The following PAPOLG variants were observed in gnomAD, a reference collection of about 807,000 sequenced individuals.
PAPOLG encodes the protein PAP-gamma.
Under a neutral mutation model 99.0 loss-of-function variants are expected in PAPOLG, and 40 were observed. That is an observed-to-expected ratio of 0.40 (90% confidence interval 0.31 to 0.53). The LOEUF is 0.53. PAPOLG is among the 20% of genes least tolerant of loss of function. PAPOLG has a pLI of 0.41. For missense variants in PAPOLG, 675 were observed against 884.1 expected (o/e 0.76, Z 3.00); for synonymous variants, 310 against 299.3 (o/e 1.04, Z -0.37).
At position 60,783,186 on chromosome 2, in the gene PAPOLG, A is replaced by C; in HGVS notation, c.1143A>C (p.Ser381=). The C allele has an allele frequency of 1.3e-6, 2 of 1,589,966 alleles. No individual in the cohort carries two copies. Among genetic ancestry groups the C allele is most frequent in the South Asian group, 2.3e-5 (2 of 85,592 alleles). ...RHYIVLTASA[S]TEENHLEWVG... ...ATATAGTATTGACTGCCAGCGCATC[A>C]ACAGAAGAAAACCATCTAGAGTGGT... Residue 381 remains serine, a synonymous_variant, in exon 13 of 22, where the codon TCA becomes TCC. Coordinates refer to ENST00000238714, the MANE Select transcript of PAPOLG (RefSeq NM_022894.4).
At chr2:60,792,089 A>G in intron 16 of PAPOLG, 40 bp from the exon 17 acceptor site, 1 of 1,552,378 alleles carries the variant, frequency 6.4e-7, no homozygotes, top group East Asian at 2.3e-5. Flanking sequence ...TTATATTGTC[A>G]TTTGCATTTT....
chr2:60,766,955 A>G (rs1670694975), intron 3 of PAPOLG, among the ~76,000 whole-genome samples: 4 of 152,324 alleles, frequency 2.6e-5, no homozygotes, highest in South Asian at 2.1e-4. Context: ...TACAACAACT[A>G]TATTTAATAG....
rs1452110224 is a variant in PAPOLG, at chr2:60,801,960, T to C, written c.*4800T>C. ...AATGGAGCTGCTGTTCCTTTCTAGC[T>C]AGCTGTTTGTGTAGTTCATATTAAT... On this transcript the variant is annotated 3_prime_UTR_variant, in exon 22 of 22. Coordinates refer to ENST00000238714, the MANE Select transcript of PAPOLG (RefSeq NM_022894.4). 2 of 152,376 alleles carry C rather than the reference T, an allele frequency of 1.3e-5. No homozygotes were observed. Among genetic ancestry groups the C allele is most frequent in the Non-Finnish European group, 1.5e-5 (1 of 68,044 alleles). 9.4% of individuals were successfully genotyped at this position (152,376 alleles called of 1,614,324 possible).
At chr2:60,773,993 A>G (rs1670934138) in intron 7 of PAPOLG, among the ~76,000 whole-genome samples, 1 of 152,212 alleles carries the variant, frequency 6.6e-6, no homozygotes, top group Admixed American at 6.5e-5. Context: ...CAACTTACAC[A>G]GTTTCACATG....
At chr2:60,768,304 G>T (rs1029917752) in intron 3 of PAPOLG, 166 bp from the exon 4 acceptor site, 10 of 198,672 alleles carry the variant, frequency 5.0e-5, no homozygotes, top group Non-Finnish European at 6.3e-5. Flanking sequence ...GTTTTGCCAT[G>T]TTGGCCAGGC....
At chr2:60,782,915 G>A (rs533575807) in intron 12 of PAPOLG, 145 bp downstream of exon 12, 3 of 1,144,880 alleles carry the variant, frequency 2.6e-6, no homozygotes, top group East Asian at 2.8e-5. Context: ...AGAGATAAGA[G>A]TGTTTCTTTA....
chr2:60,768,556 C>T lies in PAPOLG; in HGVS notation c.328+5C>T. ...GGCTTGGAGTACACACCAAAGGTAA[C>T]TGCTTTTCTGTGTTCTAGTGCTAAG... On this transcript the variant is annotated splice_donor_5th_base_variant and intron_variant, in intron 4 of 21. Coordinates refer to ENST00000238714, the MANE Select transcript of PAPOLG (RefSeq NM_022894.4). The T allele has an allele frequency of 6.3e-7, 1 of 1,582,312 alleles. No homozygotes were observed. The highest frequency in any genetic ancestry group is 8.7e-7 in the Non-Finnish European group (1 of 1,152,704).
At position 60,780,722 on chromosome 2, in the gene PAPOLG, T is replaced by C. The variant is rs2103798598; in HGVS notation, c.849T>C (p.Pro283=). The part of the protein sequence containing the change: ...LVFSKWEWPN[P]VLLKQPEESN... ...TTCATGTCAGGGAATGGCCAAATCCTGTGCTGCTGAAGCAACCAGAAGAAA... is the reference window on the plus strand; with the variant it reads ...TTCATGTCAGGGAATGGCCAAATCCCGTGCTGCTGAAGCAACCAGAAGAAA... The change falls in exon 10 of 22, where the codon CCT becomes CCC. Residue 283 remains proline (P), a synonymous_variant. Coordinates refer to ENST00000238714, the MANE Select transcript of PAPOLG (RefSeq NM_022894.4). 1 of 1,614,146 alleles carries C rather than the reference T, an allele frequency of 6.2e-7. No individual in the cohort carries two copies. The highest frequency in any genetic ancestry group is 1.3e-5 in the African/African-American group (1 of 75,062).
chr2:60,777,348 C>T (rs541412970), intron 8 of PAPOLG, among the ~76,000 whole-genome samples: 5 of 152,098 alleles, frequency 3.3e-5, no homozygotes, highest in African/African-American at 7.2e-5. Flanking sequence ...CCCAGCTACT[C>T]GGGAAGCTGA....
intron 3 of PAPOLG, among the ~76,000 whole-genome samples, chr2:60,764,054 C>T (rs555380582): frequency 8.6e-5 from 13 of 152,042 alleles, no homozygotes; most frequent in Non-Finnish European, 1.5e-4. Context: ...CCATTCTCTT[C>T]GGCCTCCCAG....
intron 21 of PAPOLG, chr2:60,795,367 G>T (rs1474065426): frequency 2.2e-6 from 1 of 453,110 alleles, no homozygotes; most frequent in East Asian, 6.4e-5. Flanking sequence ...ATTGCTTACT[G>T]CCAAAACATA....
intron 2 of PAPOLG, 68 bp downstream of exon 2, chr2:60,760,363 G>T: frequency 7.1e-7 from 1 of 1,408,376 alleles, no homozygotes. Context: ...CGAACATATT[G>T]AATACCTACT....
chr2:60,782,660 T>C, intron 11 of PAPOLG, 26 bp from the exon 12 acceptor site: 1 of 1,345,292 alleles, frequency 7.4e-7, no homozygotes, highest in Non-Finnish European at 9.6e-7. Flanking sequence ...CTTCTTTTTT[T>C]TTTTTTTTTT....
rs1307676158 is a variant in PAPOLG at position 60,774,091 on chromosome 2, T to A, written c.605-943T>A. Reference sequence around the variant, plus strand: ...GTGCAGTTTGTTGCCCCATGTGTTTTTTGTTTTTTGTTTTTTTTTTGAGAC... The same window carrying A: ...GTGCAGTTTGTTGCCCCATGTGTTTATTGTTTTTTGTTTTTTTTTTGAGAC... On this transcript the variant is annotated intron_variant, in intron 7 of 21. Coordinates refer to ENST00000238714, the MANE Select transcript of PAPOLG (RefSeq NM_022894.4). Among the ~76,000 whole-genome samples, 5 of 147,286 alleles carry A rather than the reference T, an allele frequency of 3.4e-5. No homozygotes were observed. The South Asian group carries it at 1.1e-3, about 31-fold the overall frequency.
chr2:60,758,442 T>G (rs1445588829), intron 1 of PAPOLG, among the ~76,000 whole-genome samples: 2 of 149,172 alleles, frequency 1.3e-5, no homozygotes. Flanking sequence ...TTTTTTTTTT[T>G]TTGAGACGGA....
chr2:60,791,652 C>T, intron 15 of PAPOLG, 109 bp from the exon 16 acceptor site: 3 of 1,335,782 alleles, frequency 2.2e-6, no homozygotes, highest in Non-Finnish European at 3.0e-6. Flanking sequence ...GGGTGGGTGG[C>T]CGGTGGTGAT....
intron 15 of PAPOLG, among the ~76,000 whole-genome samples, chr2:60,790,843 C>A (rs1418932526): frequency 6.6e-6 from 1 of 152,190 alleles, no homozygotes; most frequent in African/African-American, 2.4e-5. Context: ...AATCCCAGCA[C>A]TTTGGGAGGC....
chr2:60,797,140 C>A lies in PAPOLG; in HGVS notation c.2191C>A (p.Arg731=), dbSNP rs771275176. Residue 731 remains arginine (R), a synonymous_variant, in exon 22 of 22, where the codon CGA becomes AGA. Transcript: ENST00000238714. The stretch of plus-strand genomic sequence containing the variant: ...CATCCGTGTCATCAAAAATTCCATT[C>A]GACTGACCCTTAATCGGTAAAAGCA... ...NNIRVIKNSI[R]LTLNR The A allele has an allele frequency of 2.5e-6, 4 of 1,613,980 alleles. No homozygotes were observed. The highest frequency in any genetic ancestry group is 2.7e-5 in the African/African-American group (2 of 74,930).
rs1485151463 is a variant in PAPOLG, at chr2:60,771,507, A to G, written c.493-12A>G. 4 of 1,566,792 alleles carry G rather than the reference A, an allele frequency of 2.6e-6. No individual in the cohort carries two copies. The highest frequency in any genetic ancestry group is 1.2e-5 in the South Asian group (1 of 82,910). ...ATGTAATTTTTTTCTCTTTTTTCAC[A>G]TCTTTCCAAAGATTGATCTAGTCTT... On this transcript the variant is annotated splice_polypyrimidine_tract_variant and intron_variant, in intron 6 of 21. Transcript: ENST00000238714.
Sources: allele counts gnomAD v4.1 joint callset (sites outside exome capture counted in the v4.1 genomes callset), GRCh38; gene constraint gnomAD v4.1.1; transcripts MANE v1.5; gene names NCBI Gene and HGNC (gene_info 2026-07-23, HGNC 2026-07-21).